Variants in SAMMSON observed in about 807,000 individuals in gnomAD.
The protein encoded by SAMMSON is survival associated mitochondrial melanoma specific oncogenic non-coding RNA.
At chr3:70,407,478 A>C (rs1219982843) in intron 2 of SAMMSON, among the ~76,000 whole-genome samples, 1 of 152,196 alleles carries the variant, frequency 6.6e-6, no homozygotes, top group East Asian at 1.9e-4. Context: ...TTTCCAAATG[A>C]GAGAAATTGG....
At chr3:70,103,754 T>G (rs1457917494) in intron 4 of SAMMSON, among the ~76,000 whole-genome samples, 1 of 152,174 alleles carries the variant, frequency 6.6e-6, no homozygotes, top group African/African-American at 2.4e-5. Flanking sequence ...ATCTAATCTT[T>G]AACTAGGAAA....
At chr3:70,061,342 G>A (rs954999583) in intron 3 of SAMMSON, among the ~76,000 whole-genome samples, 36 of 152,048 alleles carry the variant, frequency 2.4e-4, no homozygotes, top group African/African-American at 8.4e-4. Context: ...TAAGCCAGAG[G>A]TCCTAAATTG....
At chr3:70,004,958 A>C (rs1246043698) in intron 1 of SAMMSON, among the ~76,000 whole-genome samples, 1 of 152,290 alleles carries the variant, frequency 6.6e-6, no homozygotes, top group Non-Finnish European at 1.5e-5. Flanking sequence ...GGAAGCCCAA[A>C]GGGGGAACTG....
chr3:70,179,470 C>T (rs1701034271), intron 4 of SAMMSON, among the ~76,000 whole-genome samples: 1 of 152,184 alleles, frequency 6.6e-6, no homozygotes, highest in African/African-American at 2.4e-5. Flanking sequence ...CGCCCTGCTC[C>T]CTCAGCTGCT....
intron 4 of SAMMSON, among the ~76,000 whole-genome samples, chr3:70,119,428 C>T (rs772177294): frequency 6.6e-6 from 1 of 152,086 alleles, no homozygotes; most frequent in African/African-American, 2.4e-5. Flanking sequence ...CCATGTAATA[C>T]AGTAATTAGG....
chr3:70,299,660 T>C (rs1422686070), intron 7 of SAMMSON, among the ~76,000 whole-genome samples: 6 of 152,136 alleles, frequency 3.9e-5, no homozygotes, highest in African/African-American at 1.4e-4. Context: ...TCATGCCTTC[T>C]CATTTGTGGA....
intron 7 of SAMMSON, among the ~76,000 whole-genome samples, chr3:70,327,095 T>C (rs1465014148): frequency 6.6e-6 from 1 of 152,174 alleles, no homozygotes; most frequent in African/African-American, 2.4e-5. Flanking sequence ...TCACCTCAAG[T>C]GATCCAACCA....
intron 6 of SAMMSON, among the ~76,000 whole-genome samples, chr3:70,280,867 C>G (rs1702075897): frequency 6.6e-6 from 1 of 152,116 alleles, no homozygotes; most frequent in Admixed American, 6.6e-5. Context: ...GGACGCTGCA[C>G]AGAAAGTCCA....
intron 7 of SAMMSON, among the ~76,000 whole-genome samples, chr3:70,351,201 A>C (rs1397548535): frequency 6.6e-6 from 1 of 152,116 alleles, no homozygotes; most frequent in African/African-American, 2.4e-5. Flanking sequence ...GTTCATGTTA[A>C]CCATTACCCG....
chr3:70,317,767 T>A (rs1000870950), intron 7 of SAMMSON, among the ~76,000 whole-genome samples: 1 of 151,884 alleles, frequency 6.6e-6, no homozygotes, highest in Admixed American at 6.6e-5. Context: ...CTAGTAGACC[T>A]GAATTTTCAT....
chr3:70,186,168 CTTA>C (rs933877578), intron 4 of SAMMSON, among the ~76,000 whole-genome samples: 2 of 151,958 alleles, frequency 1.3e-5, no homozygotes, highest in Non-Finnish European at 2.9e-5. Context: ...AACTGGAGGA[CTTA>C]TTAAGTTTTC....
chr3:70,259,941 G>A lies in SAMMSON; in HGVS notation n.674+10271G>A, dbSNP rs538878250. ...GGAGAAGTGCCAAGTGAAGGGGAAA[G>A]GGGCACTTATAAAACCATCAGATCT... On this transcript the variant is annotated intron_variant and non_coding_transcript_variant, in intron 6 of 9. Transcript: ENST00000642114. Among the ~76,000 whole-genome samples the A allele has an allele frequency of 5.5e-4, 83 of 152,178 alleles. 2 individuals carry two copies. In the South Asian group the frequency reaches 0.017, roughly 30 times the overall value.
rs1302072349 is a variant in SAMMSON, at chr3:70,329,748, TA to T, written n.740-24420del. On this transcript the variant is annotated intron_variant and non_coding_transcript_variant, in intron 7 of 9. Transcript: ENST00000642114. ...CAATAGAATCTTAAAGATTTTCCTT[TA>T]AAAAAATTTTTAAAGGCTTAAAAAA... 6.6e-5 allele frequency among the ~76,000 whole-genome samples: 10 copies of T among 152,096 alleles called. No individual in the cohort carries two copies. In the East Asian group the frequency reaches 9.6e-4, roughly 15 times the overall value.
chr3:70,410,634 A>G (rs1037463056), intron 2 of SAMMSON, among the ~76,000 whole-genome samples: 7 of 152,224 alleles, frequency 4.6e-5, no homozygotes, highest in African/African-American at 1.7e-4. Flanking sequence ...TGAGAATTAT[A>G]AAGTGGCAAT....
intron 4 of SAMMSON, among the ~76,000 whole-genome samples, chr3:70,087,228 C>G (rs185832897): frequency 6.6e-6 from 1 of 152,244 alleles, no homozygotes; most frequent in East Asian, 1.9e-4. Flanking sequence ...GACTTTGTAG[C>G]TTTGGGCCAT....
chr3:70,294,865 A>G (rs1702274808), intron 7 of SAMMSON, among the ~76,000 whole-genome samples: 1 of 152,146 alleles, frequency 6.6e-6, no homozygotes, highest in Admixed American at 6.6e-5. Flanking sequence ...GGTATCCAAA[A>G]TAGGAGACTA....
At chr3:70,191,914 A>T (rs1701133616) in intron 4 of SAMMSON, among the ~76,000 whole-genome samples, 1 of 151,856 alleles carries the variant, frequency 6.6e-6, no homozygotes, top group Admixed American at 6.6e-5. Context: ...AATAATAATA[A>T]AATCTACTTT....
intron 2 of SAMMSON, among the ~76,000 whole-genome samples, chr3:70,414,091 C>CAG (rs2106770309): frequency 6.6e-6 from 1 of 152,146 alleles, no homozygotes; most frequent in East Asian, 1.9e-4. Context: ...TCTTAGATAA[C>CAG]TTGGTTCTAT....
chr3:70,021,163 G>A (rs974881440), intron 3 of SAMMSON, among the ~76,000 whole-genome samples: 18 of 152,128 alleles, frequency 1.2e-4, no homozygotes, highest in African/African-American at 4.1e-4. Context: ...TGGGGAGGTG[G>A]GAAGAGAAGG....
Sources: allele counts gnomAD v4.1 joint callset (sites outside exome capture counted in the v4.1 genomes callset), GRCh38; gene constraint gnomAD v4.1.1; transcripts MANE v1.5; gene names NCBI Gene and HGNC (gene_info 2026-07-23, HGNC 2026-07-21).